Variants in BRWD1 observed in about 807,000 individuals in gnomAD.
BRWD1 encodes the protein bromodomain and WD repeat-containing protein 1.
In BRWD1, 82 loss-of-function variants were observed where a neutral mutation model predicts 251.2. The observed-to-expected ratio is 0.33, with a 90% CI of 0.27 to 0.39. BRWD1 has a LOEUF of 0.39. Among genes scored for constraint, BRWD1 ranks in the 10% least tolerant of loss-of-function variants. BRWD1 has a pLI of 1.00. For synonymous variants in BRWD1, 918 were observed against 902.8 expected (o/e 1.02, Z -0.30); for missense variants, 2,233 against 2,711.6 (o/e 0.82, Z 3.92).
chr21:39,207,431 A>G (rs1416590515), intron 36 of BRWD1, among the ~76,000 whole-genome samples: 1 of 139,146 alleles, frequency 7.2e-6, no homozygotes, highest in African/African-American at 2.7e-5. Flanking sequence ...AGGCTCAAAA[A>G]AAAAAAAGAA....
rs961115802 is a variant in BRWD1 at position 39,190,862 on chromosome 21, T to G, written c.*5397A>C. On this transcript the variant is annotated 3_prime_UTR_variant, in exon 41 of 41. Coordinates refer to ENST00000342449, the MANE Select transcript of BRWD1 (RefSeq NM_033656.4). ...ATGAACTAGTTCATTAGCTTATTCA[T>G]TTTTAGGGTTCATTTACTCAATGAT... 1 of 985,244 alleles carries G rather than the reference T, an allele frequency of 1.0e-6. No individual in the cohort carries two copies. Among genetic ancestry groups the G allele is most frequent in the East Asian group, 1.1e-4 (1 of 8,824 alleles). 61.0% of individuals were successfully genotyped at this position (985,244 alleles called of 1,614,324 possible). A position where few individuals can be genotyped will look rare whatever the true frequency, so the allele number is the denominator to read the frequency against.
At chr21:39,214,336 C>T (rs1568874140) in intron 32 of BRWD1, among the ~76,000 whole-genome samples, 1 of 152,148 alleles carries the variant, frequency 6.6e-6, no homozygotes. Flanking sequence ...CGTATACAAA[C>T]ATTTTCACAG....
chr21:39,235,195 G>A (rs1050263070), intron 23 of BRWD1, among the ~76,000 whole-genome samples: 3 of 152,180 alleles, frequency 2.0e-5, no homozygotes, highest in African/African-American at 7.2e-5. Flanking sequence ...GCTGCAGTGA[G>A]CCAAGATTGC....
At chr21:39,217,390 C>A (rs1301609871) in intron 31 of BRWD1, 3 of 195,732 alleles carry the variant, frequency 1.5e-5, no homozygotes, top group South Asian at 8.9e-5. Context: ...AGCCAATGCG[C>A]CTGGCCTCCC....
chr21:39,207,539 T>C (rs2032463846), intron 36 of BRWD1, among the ~76,000 whole-genome samples: 1 of 150,092 alleles, frequency 6.7e-6, no homozygotes, highest in African/African-American at 2.5e-5. Flanking sequence ...ACTGTGGCTT[T>C]TATACACTGC....
intron 7 of BRWD1, 60 bp from the exon 8 acceptor site, chr21:39,294,092 G>GGTATTCTTTT: frequency 7.2e-7 from 1 of 1,389,204 alleles, no homozygotes; most frequent in Non-Finnish European, 1.0e-6. Flanking sequence ...AATATTAAAA[G>GGTATTCTTTT]AATACCTTTT....
intron 8 of BRWD1, among the ~76,000 whole-genome samples, chr21:39,287,016 T>G (rs1383488698): frequency 3.9e-5 from 6 of 152,182 alleles, no homozygotes; most frequent in Admixed American, 2.6e-4. Flanking sequence ...GATATCACAC[T>G]GACATGAACC....
At chr21:39,184,475 G>GA (rs2031095897), downstream of BRWD1, 1 of 152,168 alleles carries the variant, frequency 6.6e-6, no homozygotes, top group South Asian at 2.1e-4. Context: ...GTAATGCAAT[G>GA]AAAAAACCGT....
chr21:39,289,800 G>A (rs1000577875), intron 8 of BRWD1, among the ~76,000 whole-genome samples: 3 of 152,036 alleles, frequency 2.0e-5, no homozygotes, highest in Non-Finnish European at 2.9e-5. Context: ...CGAGGCGGGC[G>A]GATCATGAGG....
rs1189628250 is a variant in BRWD1, at chr21:39,304,038, G to A, written c.199-5456C>T. 4.0e-5 allele frequency among the ~76,000 whole-genome samples: 6 copies of A among 151,012 alleles called. No homozygotes were observed. In the East Asian group the frequency reaches 1.2e-3, roughly 29 times the overall value. On this transcript the variant is annotated intron_variant, in intron 4 of 40. Transcript: ENST00000342449. ...CGCCTGTAATCCCAGCTACTCAGGA[G>A]GCTTAGGCAGGAGAATCGCTTGAAC...
intron 9 of BRWD1, 44 bp from the exon 10 acceptor site, chr21:39,278,857 A>G (rs551870383): frequency 3.7e-6 from 5 of 1,350,584 alleles, no homozygotes; most frequent in East Asian, 4.8e-5. Flanking sequence ...TTATTTTACC[A>G]CATTAACACA....
chr21:39,311,970 C>G (rs1243754105), intron 4 of BRWD1, among the ~76,000 whole-genome samples: 1 of 152,172 alleles, frequency 6.6e-6, no homozygotes, highest in African/African-American at 2.4e-5. Flanking sequence ...TTTTCTTTCT[C>G]AATTGTTTTC....
In BRWD1 at chr21:39,215,271, T is replaced by C; in HGVS notation, c.3751A>G (p.Lys1251Glu). 1.2e-6 allele frequency: 2 copies of C among 1,612,822 alleles called. No homozygotes were observed. Among genetic ancestry groups the C allele is most frequent in the Non-Finnish European group, 1.7e-6 (2 of 1,178,896 alleles). ...EPESVIARSAKKITDQLLKFI... is the reference protein window; with the variant it reads ...EPESVIARSAEKITDQLLKFI... The stretch of plus-strand genomic sequence containing the variant: ...TTTAAAAGTTGGTCAGTTATCTTTT[T>C]AGCTGATCTTGCAATTACACTCTCA... The change falls in exon 32 of 41, where the codon AAA (lysine) becomes GAA (glutamate). Residue 1251 changes from lysine to glutamate, a missense_variant. By Grantham distance (56) the Lys-to-Glu change is moderately conservative. This residue lies in a region of BRWD1 where 167 missense variants were observed against 183.2 expected (regional missense o/e 0.91). Transcript: ENST00000342449.
chr21:39,286,131 C>T lies in BRWD1; in HGVS notation c.832-5883G>A, dbSNP rs529246081. Among the ~76,000 whole-genome samples, 8 of 149,386 alleles carry T rather than the reference C, an allele frequency of 5.4e-5. No individual in the cohort carries two copies. In the East Asian group the frequency reaches 1.2e-3, roughly 22 times the overall value. ...CCAGGTTCACGCCATTCTCCTGCCT[C>T]GGTCTCCCGAGTAGCTGGGACTACA... On this transcript the variant is annotated intron_variant, in intron 8 of 40. Coordinates refer to ENST00000342449, the MANE Select transcript of BRWD1 (RefSeq NM_033656.4).
intron 4 of BRWD1, among the ~76,000 whole-genome samples, chr21:39,305,083 C>T (rs1412257887): frequency 1.3e-5 from 2 of 151,830 alleles, no homozygotes; most frequent in Non-Finnish European, 2.9e-5. Context: ...CCTCAACCTC[C>T]CAAGTAGCTG....
rs541733768 is a variant in BRWD1 at position 39,218,189 on chromosome 21, A to C, written c.3622T>G (p.Tyr1208Asp). The C allele has an allele frequency of 3.7e-5, 59 of 1,611,260 alleles. No homozygotes were observed. In the South Asian group the frequency reaches 6.4e-4, roughly 18 times the overall value. ...CTVVAYPTDL[Y>D]TIRMRLVNRF... ...TTAACAAGTCTCATTCGAATTGTGT[A>C]AAGATCGGTTGGATAAGCTACTACA... Residue 1208 changes from tyrosine (Y) to aspartate (D), a missense_variant, in exon 31 of 41, where the codon TAC becomes GAC. Tyr to Asp is a radical substitution (Grantham distance 160). Around this residue, in one of 12 missense-constraint regions of BRWD1, gnomAD observed 167 missense variants for 183.2 expected, o/e 0.91. Coordinates refer to ENST00000342449, the MANE Select transcript of BRWD1 (RefSeq NM_033656.4).
At position 39,191,017 on chromosome 21, in the gene BRWD1, AT is replaced by A. The variant is rs1253118392; in HGVS notation, c.*5241del. 4.4e-5 allele frequency: 43 copies of A among 985,208 alleles called. No individual in the cohort carries two copies. Among genetic ancestry groups the A allele is most frequent in the Non-Finnish European group, 4.9e-5 (41 of 829,862 alleles). The allele number at this position is 985,208 out of a possible 1,614,324, so 61.0% of individuals were successfully genotyped here. A position where few individuals can be genotyped will look rare whatever the true frequency, so the allele number is the denominator to read the frequency against. ...ATGGCTATTGCAATTTTTAATAAAA[AT>A]CTCATAAAAGCCTTATTTTGAAATA... On this transcript the variant is annotated 3_prime_UTR_variant, in exon 41 of 41. Transcript: ENST00000342449.
At chr21:39,301,547 C>T (rs1568971417) in intron 4 of BRWD1, among the ~76,000 whole-genome samples, 4 of 152,120 alleles carry the variant, frequency 2.6e-5, no homozygotes, top group African/African-American at 7.2e-5. Flanking sequence ...CTATTCCTCC[C>T]GTCAAGCCTT....
intron 8 of BRWD1, among the ~76,000 whole-genome samples, chr21:39,284,876 C>A (rs1032359482): frequency 2.0e-5 from 3 of 152,120 alleles, no homozygotes; most frequent in Non-Finnish European, 4.4e-5. Context: ...GTTGTCTCTT[C>A]GATCTATATT....
Sources: allele counts gnomAD v4.1 joint callset (sites outside exome capture counted in the v4.1 genomes callset), GRCh38; gene constraint gnomAD v4.1.1; regional missense constraint gnomAD v4.1.1; transcripts MANE v1.5; gene names NCBI Gene and HGNC (gene_info 2026-07-23, HGNC 2026-07-21).